The following ADAMTSL1 variants were observed in gnomAD, a reference collection of about 807,000 sequenced individuals.
The protein encoded by ADAMTSL1 is ADAMTS like 1.
A neutral mutation model predicts 201.8 loss-of-function variants in ADAMTSL1; 126 were observed. The observed-to-expected ratio is 0.62, with a 90% CI of 0.54 to 0.72. The LOEUF (loss-of-function observed/expected upper bound fraction) is 0.72. Ranked by LOEUF, ADAMTSL1 falls within the 30% of genes least tolerant of loss-of-function variation. The probability of loss-of-function intolerance (pLI) is 0.00; values close to 1 mark genes in which losing one functional copy is unlikely to be tolerated. For missense variants in ADAMTSL1, 2,679 were observed against 2,277.8 expected (o/e 1.18, Z -3.59); for synonymous variants, 1,121 against 903.4 (o/e 1.24, Z -4.32).
Position 18,890,805 on chromosome 9 carries a change from C to T in ADAMTSL1, c.4643+1057C>T, listed in dbSNP as rs537378487. The T allele has an allele frequency of 2.0e-4, 69 of 343,380 alleles. 1 individual carries two copies. The highest frequency in any genetic ancestry group is 1.4e-3 in the African/African-American group (66 of 46,374). The allele number at this position is 343,380 out of a possible 1,614,324, so 21.3% of individuals were successfully genotyped here. On this transcript the variant is annotated intron_variant, in intron 25 of 28. Coordinates refer to ENST00000380548, the MANE Select transcript of ADAMTSL1 (RefSeq NM_001040272.6). ...ATGGAAATGCAGGCCTGACATTCAC[C>T]AGGGATATAAGAGGCTGGAAAACTG...
chr9:17,912,758 G>C (rs1588402980), intron 1 of ADAMTSL1, among the ~76,000 whole-genome samples: 1 of 69,374 alleles, frequency 1.4e-5, no homozygotes, highest in African/African-American at 2.9e-5. Flanking sequence ...TGAAGTCTTT[G>C]CCCATGCCTA....
At chr9:18,423,957 G>T (rs776416663) in intron 2 of ADAMTSL1, among the ~76,000 whole-genome samples, 1 of 152,136 alleles carries the variant, frequency 6.6e-6, no homozygotes, top group African/African-American at 2.4e-5. Flanking sequence ...TATCCCACAG[G>T]CTAATGGGCA....
chr9:18,678,105 G>A (rs1158477054), intron 10 of ADAMTSL1, among the ~76,000 whole-genome samples: 1 of 152,002 alleles, frequency 6.6e-6, no homozygotes, highest in African/African-American at 2.4e-5. Flanking sequence ...GACATAATAT[G>A]AGAATGTAGT....
chr9:18,098,948 AT>A, intron 1 of ADAMTSL1, among the ~76,000 whole-genome samples: 1 of 152,240 alleles, frequency 6.6e-6, no homozygotes, highest in South Asian at 2.1e-4. Context: ...TCCCCTAAAG[AT>A]TACAGTTTTG....
At chr9:18,319,174 C>T (rs375128420) in intron 2 of ADAMTSL1, among the ~76,000 whole-genome samples, 34 of 152,014 alleles carry the variant, frequency 2.2e-4, no homozygotes, top group African/African-American at 8.0e-4. Context: ...AGGTGCCAGC[C>T]TGGGCAATAG....
chr9:17,960,611 G>A (rs1188404830), intron 1 of ADAMTSL1, among the ~76,000 whole-genome samples: 1 of 152,130 alleles, frequency 6.6e-6, no homozygotes, highest in Non-Finnish European at 1.5e-5. Context: ...ACTGTACCCG[G>A]TATGGGTGGA....
At chr9:18,258,244 C>G (rs1831770127) in intron 2 of ADAMTSL1, among the ~76,000 whole-genome samples, 1 of 151,972 alleles carries the variant, frequency 6.6e-6, no homozygotes, top group Admixed American at 6.6e-5. Flanking sequence ...AAAAGAACAA[C>G]CAGAGTTCCT....
At chr9:18,518,608 A>G (rs1818501823) in intron 2 of ADAMTSL1, among the ~76,000 whole-genome samples, 2 of 152,146 alleles carry the variant, frequency 1.3e-5, no homozygotes. Flanking sequence ...TGCAATAAAC[A>G]TATGAATGCA....
intron 1 of ADAMTSL1, among the ~76,000 whole-genome samples, chr9:18,003,396 C>T (rs1819691156): frequency 6.6e-6 from 1 of 152,066 alleles, no homozygotes; most frequent in African/African-American, 2.4e-5. Flanking sequence ...ATACCAAGTG[C>T]TCCATTTGTT....
chr9:18,550,181 C>T (rs1301312658), intron 3 of ADAMTSL1, among the ~76,000 whole-genome samples: 1 of 151,938 alleles, frequency 6.6e-6, no homozygotes, highest in Non-Finnish European at 1.5e-5. Flanking sequence ...AATGGTTCTC[C>T]AAAGATATCT....
intron 2 of ADAMTSL1, among the ~76,000 whole-genome samples, chr9:18,217,869 G>A (rs1212088264): frequency 6.6e-6 from 1 of 150,608 alleles, no homozygotes; most frequent in African/African-American, 2.4e-5. Flanking sequence ...TTTTTTCTGT[G>A]CCTTGAGGCA....
intron 1 of ADAMTSL1, among the ~76,000 whole-genome samples, chr9:18,005,312 C>A (rs557041216): frequency 6.6e-6 from 1 of 152,034 alleles, no homozygotes; most frequent in Non-Finnish European, 1.5e-5. Flanking sequence ...GCAGAAAAAA[C>A]AGACAACTGC....
At chr9:18,863,843 CCT>C (rs1827351701) in intron 23 of ADAMTSL1, among the ~76,000 whole-genome samples, 1 of 152,096 alleles carries the variant, frequency 6.6e-6, no homozygotes, top group African/African-American at 2.4e-5. Flanking sequence ...AATGGAGATC[CCT>C]CTATAAAATT....
intron 2 of ADAMTSL1, among the ~76,000 whole-genome samples, chr9:18,363,900 G>GA (rs1350563964): frequency 6.7e-6 from 1 of 149,462 alleles, no homozygotes; most frequent in African/African-American, 2.5e-5. Flanking sequence ...TGATAGAGGA[G>GA]AAGCAGGATT....
At chr9:18,781,555 A>G (rs867483066) in intron 19 of ADAMTSL1, among the ~76,000 whole-genome samples, 1 of 152,220 alleles carries the variant, frequency 6.6e-6, no homozygotes, top group Non-Finnish European at 1.5e-5. Flanking sequence ...CAGAGCTGCC[A>G]TTAGGACTGC....
Position 18,042,183 on chromosome 9 carries a change from G to C in ADAMTSL1, c.88-121679G>C, listed in dbSNP as rs533686232. Reference sequence around the variant, plus strand: ...AATGTGGGAAGAACCAGCCATGAAAGCTTAAGTGATGTACAAATTATGAAG... The same window carrying C: ...AATGTGGGAAGAACCAGCCATGAAACCTTAAGTGATGTACAAATTATGAAG... On this transcript the variant is annotated intron_variant, in intron 1 of 29. Transcript: ENST00000680146. Among the ~76,000 whole-genome samples, 10 of 151,740 alleles carry C rather than the reference G, an allele frequency of 6.6e-5. 1 individual carries two copies. The highest frequency in any genetic ancestry group is 2.4e-4 in the African/African-American group (10 of 41,424).
intron 3 of ADAMTSL1, among the ~76,000 whole-genome samples, chr9:18,546,650 A>G (rs985442998): frequency 3.3e-5 from 5 of 152,202 alleles, no homozygotes; most frequent in Non-Finnish European, 7.3e-5. Flanking sequence ...CCATTAAAAT[A>G]TGACTAGGAT....
At chr9:18,606,836 G>A (rs1825050022) in intron 4 of ADAMTSL1, among the ~76,000 whole-genome samples, 1 of 152,192 alleles carries the variant, frequency 6.6e-6, no homozygotes, top group African/African-American at 2.4e-5. Flanking sequence ...CGCTGCTGCA[G>A]TCTATAATTT....
At chr9:18,359,193 G>C (rs1476912919) in intron 2 of ADAMTSL1, among the ~76,000 whole-genome samples, 2 of 152,100 alleles carry the variant, frequency 1.3e-5, no homozygotes, top group African/African-American at 2.4e-5. Context: ...ATAAGCTCTG[G>C]TCCTGCACTT....
Sources: allele counts gnomAD v4.1 joint callset (sites outside exome capture counted in the v4.1 genomes callset), GRCh38; gene constraint gnomAD v4.1.1; transcripts MANE v1.5; gene names NCBI Gene and HGNC (gene_info 2026-07-23, HGNC 2026-07-21).